R3HCC1L: variants seen among roughly 807,000 people sequenced by gnomAD.
R3HCC1L encodes the protein coiled-coil domain-containing protein R3HCC1L.
Under a neutral mutation model 59.9 loss-of-function variants are expected in R3HCC1L, and 51 were observed. The ratio of observed to expected loss-of-function variants is 0.85; its 90% confidence interval spans 0.68 to 1.07. R3HCC1L has a LOEUF of 1.07. Ranked by LOEUF, R3HCC1L falls within the 50% of genes least tolerant of loss-of-function variation. R3HCC1L has a pLI of 0.00. For synonymous variants in R3HCC1L, 322 were observed against 315.2 expected, an observed-to-expected ratio of 1.02 and a Z score of -0.23; for missense variants, 965 against 933.0, an observed-to-expected ratio of 1.03 and a Z score of -0.45.
In R3HCC1L at chr10:98,244,593, G is replaced by T. The variant is rs1470418156; in HGVS notation, c.*435G>T. 7 of 160,772 alleles carry T rather than the reference G, an allele frequency of 4.4e-5. No individual in the cohort carries two copies. 10.0% of individuals were successfully genotyped at this position (160,772 alleles called of 1,614,324 possible). On this transcript the variant is annotated 3_prime_UTR_variant, in exon 10 of 10. Transcript: ENST00000298999. The stretch of plus-strand genomic sequence containing the variant: ...GCAGAGTAATACTGGAGGCAGAGTA[G>T]GGGGTGGTTGGAGAGCAGTTAGTAC...
At position 98,227,129 on chromosome 10, in the gene R3HCC1L, T is replaced by A. The variant is rs369368083; in HGVS notation, c.1786-4383T>A. ...CAGACTTAGCACTTGGTTAAAATTC[T>A]TTTAAAGTGGGTTTACTTTACTGAA... On this transcript the variant is annotated intron_variant, in intron 5 of 9. Coordinates refer to ENST00000298999, the MANE Select transcript of R3HCC1L (RefSeq NM_001351015.2). Among the ~76,000 whole-genome samples, 5 of 152,344 alleles carry A rather than the reference T, an allele frequency of 3.3e-5. No individual in the cohort carries two copies. The South Asian group carries it at 1.0e-3, about 32-fold the overall frequency.
intron 5 of R3HCC1L, among the ~76,000 whole-genome samples, chr10:98,226,973 T>C (rs931799380): frequency 6.6e-6 from 1 of 152,238 alleles, no homozygotes; most frequent in African/African-American, 2.4e-5. Context: ...AACTCAGCTC[T>C]CTGGTAAACT....
At chr10:98,203,268 A>G (rs1852247254) in intron 4 of R3HCC1L, among the ~76,000 whole-genome samples, 2 of 152,190 alleles carry the variant, frequency 1.3e-5, no homozygotes, top group South Asian at 4.1e-4. Flanking sequence ...GTATGTAAAG[A>G]GAGGAAGAGG....
In R3HCC1L at chr10:98,149,400, C is replaced by A. The variant is rs1845941562; in HGVS notation, c.-267-6693C>A. On this transcript the variant is annotated intron_variant, in intron 1 of 9. Transcript: ENST00000298999. ...TTTCTTTCCTTCTACTAATTTTGGG[C>A]TAGGTTTGTTCTTTTCTAGTTCTTT... Among the ~76,000 whole-genome samples, 4 of 152,006 alleles carry A rather than the reference C, an allele frequency of 2.6e-5. No homozygotes were observed. In the South Asian group the frequency reaches 8.3e-4, roughly 32 times the overall value.
intron 4 of R3HCC1L, among the ~76,000 whole-genome samples, chr10:98,203,199 T>C (rs902333276): frequency 6.6e-6 from 1 of 152,178 alleles, no homozygotes; most frequent in African/African-American, 2.4e-5. Context: ...CAAAGGGCCA[T>C]GATGTCTGTA....
At chr10:98,187,635 T>C (rs1850352620) in intron 4 of R3HCC1L, among the ~76,000 whole-genome samples, 1 of 151,802 alleles carries the variant, frequency 6.6e-6, no homozygotes, top group Non-Finnish European at 1.5e-5. Context: ...TCTCTTTCTA[T>C]AAATAGATAT....
chr10:98,209,865 A>G lies in R3HCC1L; in HGVS notation c.1751A>G (p.Asp584Gly), dbSNP rs1377616138. 4 of 1,613,366 alleles carry G rather than the reference A, an allele frequency of 2.5e-6. No homozygotes were observed. The highest frequency in any genetic ancestry group is 2.2e-5 in the East Asian group (1 of 44,868). ...AGCTGGGAGTCTATGTTTAACGATG[A>G]TGGTGACTGCCTGGATCCACGTCTT... ...EESWESMFND[D>G]GDCLDPRLLQ... The change falls in exon 5 of 10, where the codon GAT becomes GGT. Residue 584 changes from aspartate to glycine, a missense_variant. Physicochemically the swap from Asp to Gly is moderately conservative, Grantham distance 94. Transcript: ENST00000298999.
chr10:98,156,946 T>C (rs1338254698), intron 2 of R3HCC1L, among the ~76,000 whole-genome samples: 2 of 152,246 alleles, frequency 1.3e-5, no homozygotes, highest in Non-Finnish European at 2.9e-5. Context: ...AAACCGTACA[T>C]GGTAGATAAT....
intron 1 of R3HCC1L, among the ~76,000 whole-genome samples, chr10:98,152,443 T>C (rs1303744354): frequency 2.3e-5 from 3 of 131,820 alleles, no homozygotes; most frequent in African/African-American, 5.6e-5. Context: ...GCCCCTCTGC[T>C]CGGCTGCCCA....
intron 4 of R3HCC1L, among the ~76,000 whole-genome samples, chr10:98,171,831 A>G (rs963513300): frequency 2.0e-5 from 3 of 152,154 alleles, no homozygotes; most frequent in South Asian, 2.1e-4. Context: ...TCAGGATGAT[A>G]AGATGGAAGG....
chr10:98,219,787 A>G (rs949007195), intron 5 of R3HCC1L, among the ~76,000 whole-genome samples: 1 of 152,116 alleles, frequency 6.6e-6, no homozygotes, highest in Non-Finnish European at 1.5e-5. Flanking sequence ...CCTTCTATGT[A>G]AGATTTTCTC....
intron 4 of R3HCC1L, among the ~76,000 whole-genome samples, chr10:98,168,104 G>GACA (rs1848134650): frequency 6.6e-6 from 1 of 152,170 alleles, no homozygotes; most frequent in African/African-American, 2.4e-5. Flanking sequence ...GATGTGTATT[G>GACA]AGGGAAAGAA....
chr10:98,206,380 C>G (rs1017188195), intron 4 of R3HCC1L, among the ~76,000 whole-genome samples: 2 of 148,820 alleles, frequency 1.3e-5, no homozygotes, highest in African/African-American at 2.5e-5. Context: ...TGCTTTAAAC[C>G]TTCATATTGC....
At chr10:98,147,459 AG>A (rs1374968842) in intron 1 of R3HCC1L, among the ~76,000 whole-genome samples, 1 of 151,992 alleles carries the variant, frequency 6.6e-6, no homozygotes, top group Non-Finnish European at 1.5e-5. Context: ...TGTGCTTTTG[AG>A]GTCTTACACA....
rs149589343 is a variant in R3HCC1L at position 98,188,212 on chromosome 10, A to G, written c.-14-19889A>G. On this transcript the variant is annotated intron_variant, in intron 4 of 9. Coordinates refer to ENST00000298999, the MANE Select transcript of R3HCC1L (RefSeq NM_001351015.2). ...TTATTGAATGCTGTATGTGCCAGGA[A>G]TGGTGCTGGGTATTGAGAAACTAAA... Among the ~76,000 whole-genome samples, 107 of 152,330 alleles carry G rather than the reference A, an allele frequency of 7.0e-4. 1 individual carries two copies. The highest frequency in any genetic ancestry group is 2.4e-3 in the African/African-American group (100 of 41,588).
chr10:98,136,827 A>C (rs1005656248), intron 1 of R3HCC1L, among the ~76,000 whole-genome samples: 3 of 151,992 alleles, frequency 2.0e-5, no homozygotes, highest in Admixed American at 2.0e-4. Flanking sequence ...ATAGATTGAG[A>C]CTCTGTTGGG....
At position 98,163,402 on chromosome 10, in the gene R3HCC1L, G is replaced by A. The variant is rs1425137436; in HGVS notation, c.-15+5G>A. 1 of 1,331,908 alleles carries A rather than the reference G, an allele frequency of 7.5e-7. No homozygotes were observed. The highest frequency in any genetic ancestry group is 1.8e-5 in the South Asian group (1 of 55,092). The allele number at this position is 1,331,908 out of a possible 1,614,324, so 82.5% of individuals were successfully genotyped here. A position where few individuals can be genotyped will look rare whatever the true frequency, so the allele number is the denominator to read the frequency against. On this transcript the variant is annotated splice_donor_5th_base_variant and intron_variant, in intron 4 of 9. Transcript: ENST00000298999. ...AAAATAAATGTTACTTACATGGTAA[G>A]TTGCCTTTACTTATGCATATTTTAT... is the stretch of plus-strand genomic sequence containing the variant.
intron 4 of R3HCC1L, among the ~76,000 whole-genome samples, chr10:98,168,498 A>G (rs1848183735): frequency 6.6e-6 from 1 of 152,130 alleles, no homozygotes; most frequent in African/African-American, 2.4e-5. Flanking sequence ...CAGTTTATTT[A>G]TATATTTTGG....
intron 4 of R3HCC1L, among the ~76,000 whole-genome samples, chr10:98,177,493 G>A (rs1040332908): frequency 1.3e-5 from 2 of 152,188 alleles, no homozygotes; most frequent in African/African-American, 4.8e-5. Context: ...ATAAACATAT[G>A]TATGCATGTG....
Sources: gnomAD v4.1 joint callset for allele counts (sites outside exome capture counted in the v4.1 genomes callset) on GRCh38, gnomAD v4.1.1 for gene constraint, MANE v1.5 for transcripts, NCBI Gene and HGNC (gene_info 2026-07-23, HGNC 2026-07-21) for gene names.